PHACTR2: variants seen among roughly 807,000 people sequenced by gnomAD.
PHACTR2 encodes chromosome 6 open reading frame 56.
In PHACTR2, 30 loss-of-function variants were observed where a neutral mutation model predicts 76.0. The observed-to-expected ratio is 0.39, with a 90% confidence interval of 0.30 to 0.54. PHACTR2 has a LOEUF of 0.54. Ranked by LOEUF, PHACTR2 falls within the 20% of genes least tolerant of loss-of-function variation. PHACTR2 has a pLI of 0.61. For synonymous variants in PHACTR2, 292 were observed against 292.5 expected, an observed-to-expected ratio of 1.00 and a Z score of 0.02; for missense variants, 696 against 781.1, an observed-to-expected ratio of 0.89 and a Z score of 1.30.
chr6:143,589,388 T>C lies in PHACTR2; in HGVS notation c.217+52181T>C, dbSNP rs1775663133. On this transcript the variant is annotated intron_variant, in intron 1 of 11. Coordinates refer to the PHACTR2 transcript ENST00000367584. This position sits in a 1 kb window ranked among gnomAD's most constrained non-coding sequence, Gnocchi z 4.4. The stretch of plus-strand genomic sequence containing the variant: ...TGCTCTCTTCCTCCTGCTCCAGCCA[T>C]GTAAGACGTGCCTGCTTCCTCTTTG... Among the ~76,000 whole-genome samples the C allele has an allele frequency of 6.6e-6, 1 of 152,202 alleles. No individual in the cohort carries two copies. Among genetic ancestry groups the C allele is most frequent in the South Asian group, 2.1e-4 (1 of 4,828 alleles).
At position 143,562,713 on chromosome 6, in the gene PHACTR2, C is replaced by G. The variant is rs1331918479; in HGVS notation, c.217+25506C>G. On this transcript the variant is annotated intron_variant, in intron 1 of 11. Transcript: ENST00000367584. The surrounding 1 kb of genome is among the most constrained non-coding windows in gnomAD (Gnocchi z 5.1). ...GAAAAAAGCACATTAAAGAACATAT[C>G]TAAGGCATTGGAAATAGATCATCCA... 1.3e-5 allele frequency among the ~76,000 whole-genome samples: 2 copies of G among 152,178 alleles called. No homozygotes were observed. The highest frequency in any genetic ancestry group is 4.8e-5 in the African/African-American group (2 of 41,436).
chr6:143,817,772 A>G (rs1001039268), intron 12 of PHACTR2, among the ~76,000 whole-genome samples: 1 of 152,228 alleles, frequency 6.6e-6, no homozygotes, highest in Non-Finnish European at 1.5e-5. Context: ...AACACCACAC[A>G]TTCTCACTTA....
In PHACTR2 at chr6:143,740,508, T is replaced by TAAAAA. The variant is rs10638908; in HGVS notation, c.215-8466_215-8462dup. ...AACTATTACAAAACATCCTTTTAAT[T>TAAAAA]AAAAAAAAAAAAAAAGGAAAAAATA... is the stretch of plus-strand genomic sequence containing the variant. On this transcript the variant is annotated intron_variant, in intron 2 of 12. Coordinates refer to ENST00000440869, the MANE Select transcript of PHACTR2 (RefSeq NM_001100164.2). Among the ~76,000 whole-genome samples the TAAAAA allele has an allele frequency of 7.4e-3, 951 of 128,628 alleles. 14 individuals are homozygous for TAAAAA. Among genetic ancestry groups the TAAAAA allele is most frequent in the African/African-American group, 0.025 (853 of 34,106 alleles). The allele number at this position is 128,628 out of a possible 152,430, so 84.4% of individuals were successfully genotyped here.
rs1775038098 is a variant in PHACTR2 at position 143,548,184 on chromosome 6, A to G, written c.217+10977A>G. On this transcript the variant is annotated intron_variant, in intron 1 of 11. Transcript: ENST00000367584. The surrounding 1 kb of genome is among the most constrained non-coding windows in gnomAD (Gnocchi z 4.5). ...GGCCATCTTCTTGCTGTGTCCTCACATGGCAGAGGGAGGAAGAAAGCTCTC... is the reference window on the plus strand; with the variant it reads ...GGCCATCTTCTTGCTGTGTCCTCACGTGGCAGAGGGAGGAAGAAAGCTCTC... 6.6e-6 allele frequency among the ~76,000 whole-genome samples: 1 copy of G among 152,186 alleles called. No individual in the cohort carries two copies. Among genetic ancestry groups the G allele is most frequent in the Admixed American group, 6.5e-5 (1 of 15,274 alleles).
At position 143,617,498 on chromosome 6, in the gene PHACTR2, C is replaced by T. The variant is rs1582703859; in HGVS notation, c.13+9176C>T. Among the ~76,000 whole-genome samples, 1 of 152,264 alleles carries T rather than the reference C, an allele frequency of 6.6e-6. No homozygotes were observed. Among genetic ancestry groups the T allele is most frequent in the African/African-American group, 2.4e-5 (1 of 41,550 alleles). On this transcript the variant is annotated intron_variant, in intron 1 of 11. Coordinates refer to the PHACTR2 transcript ENST00000305766. This position sits in a 1 kb window ranked among gnomAD's most constrained non-coding sequence, Gnocchi z 4.8. ...TGCCCCACCCTAGACAAATTCAGTC[C>T]GGGACTTTGGAGTGGGGTCAGGACA...
In PHACTR2 at chr6:143,656,223, C is replaced by T. The variant is rs1389569991; in HGVS notation, c.13+47901C>T. Among the ~76,000 whole-genome samples, 1 of 152,170 alleles carries T rather than the reference C, an allele frequency of 6.6e-6. No homozygotes were observed. ...GGGGTCAGTCCATTCCTGTCCAGAC[C>T]AGGGACTTCCTCTGACCTTGGCAAC... On this transcript the variant is annotated intron_variant, in intron 1 of 11. Transcript: ENST00000305766. The surrounding 1 kb of genome is among the most constrained non-coding windows in gnomAD (Gnocchi z 5.3).
At position 143,777,324 on chromosome 6, in the gene PHACTR2, A is replaced by G. The variant is rs752611453; in HGVS notation, c.1590-4A>G. On this transcript the variant is annotated splice_region_variant and splice_polypyrimidine_tract_variant and intron_variant, in intron 8 of 12. Coordinates refer to ENST00000440869, the MANE Select transcript of PHACTR2 (RefSeq NM_001100164.2). The surrounding 1 kb of genome is among the most constrained non-coding windows in gnomAD (Gnocchi z 4.6). ...CCTGTAATATATCCTTTTTGTCATC[A>G]TAGGAGGCTGAGCCAGAGGCCCACA... The G allele has an allele frequency of 7.6e-6, 12 of 1,583,202 alleles. No individual in the cohort carries two copies. The highest frequency in any genetic ancestry group is 6.7e-5 in the South Asian group (6 of 89,492).
chr6:143,704,105 G>C (rs1055417071), intron 1 of PHACTR2, among the ~76,000 whole-genome samples: 1 of 151,592 alleles, frequency 6.6e-6, no homozygotes, highest in Non-Finnish European at 1.5e-5. Context: ...CTGTGTGTGT[G>C]TGTGTGTGTG....
Position 143,711,110 on chromosome 6 carries a change from G to A in PHACTR2, c.47-906G>A, listed in dbSNP as rs185431017. The A allele has an allele frequency of 2.5e-3, 1,242 of 506,770 alleles. 8 individuals are homozygous for A. The highest frequency in any genetic ancestry group is 0.014 in the African/African-American group (714 of 51,436). The allele number at this position is 506,770 out of a possible 1,614,324, so 31.4% of individuals were successfully genotyped here. ...ATGAGTTTTGGGTAATCCAACCATC[G>A]TTGAGATAATTTCCATCACCGCTAT... is the stretch of plus-strand genomic sequence containing the variant. On this transcript the variant is annotated intron_variant, in intron 1 of 12. Transcript: ENST00000440869.
At chr6:143,699,911 AT>A (rs1181681121) in intron 1 of PHACTR2, among the ~76,000 whole-genome samples, 1 of 152,150 alleles carries the variant, frequency 6.6e-6, no homozygotes, top group East Asian at 1.9e-4. Context: ...ATTGACATAA[AT>A]TCTTCTCCAT....
chr6:143,829,910 T>C lies in PHACTR2; in HGVS notation c.*6221T>C, dbSNP rs1181112270. The C allele has an allele frequency of 6.6e-6, 1 of 152,210 alleles. No individual in the cohort carries two copies. The highest frequency in any genetic ancestry group is 1.5e-5 in the Non-Finnish European group (1 of 68,040). The allele number at this position is 152,210 out of a possible 1,614,324, so 9.4% of individuals were successfully genotyped here. ...ATTGTAAGGAGCAAATAAGGCAGAA[T>C]GCCACTCTACCCTCAGGTCAATTTT... On this transcript the variant is annotated 3_prime_UTR_variant, in exon 13 of 13. Transcript: ENST00000440869.
Position 143,571,723 on chromosome 6 carries a change from C to T in PHACTR2, c.217+34516C>T, listed in dbSNP as rs1258943863. Among the ~76,000 whole-genome samples the T allele has an allele frequency of 6.6e-6, 1 of 152,020 alleles. No homozygotes were observed. Among genetic ancestry groups the T allele is most frequent in the Non-Finnish European group, 1.5e-5 (1 of 68,024 alleles). On this transcript the variant is annotated intron_variant, in intron 1 of 11. Coordinates refer to the PHACTR2 transcript ENST00000367584. The surrounding 1 kb of genome is among the most constrained non-coding windows in gnomAD (Gnocchi z 4.6). Reference sequence around the variant, plus strand: ...CTCCTGTGTCCATTTGCCATGCTCCCATCATTAAAAAAATCATTTCCTTAC... The same window carrying T: ...CTCCTGTGTCCATTTGCCATGCTCCTATCATTAAAAAAATCATTTCCTTAC...
chr6:143,705,730 G>C (rs1366067071), intron 1 of PHACTR2, among the ~76,000 whole-genome samples: 1 of 152,178 alleles, frequency 6.6e-6, no homozygotes, highest in East Asian at 1.9e-4. Flanking sequence ...ATCATATCAA[G>C]AGTACATACT....
At chr6:143,790,409 G>A (rs1190558422) in intron 11 of PHACTR2, among the ~76,000 whole-genome samples, 1 of 152,182 alleles carries the variant, frequency 6.6e-6, no homozygotes, top group East Asian at 1.9e-4. Context: ...GTACTTATGT[G>A]AAAGAGGCAA....
At position 143,656,025 on chromosome 6, in the gene PHACTR2, T is replaced by G. The variant is rs565785744; in HGVS notation, c.13+47703T>G. Among the ~76,000 whole-genome samples, 1 of 152,240 alleles carries G rather than the reference T, an allele frequency of 6.6e-6. No homozygotes were observed. The highest frequency in any genetic ancestry group is 1.5e-5 in the Non-Finnish European group (1 of 68,046). On this transcript the variant is annotated intron_variant, in intron 1 of 11. Transcript: ENST00000305766. This position sits in a 1 kb window ranked among gnomAD's most constrained non-coding sequence, Gnocchi z 5.3. ...TTCTTTATTCCATGAACTAAGTTTC[T>G]TATCCTAAGGTGATTACCGGGGGAA...
chr6:143,773,571 T>C (rs543622708), intron 7 of PHACTR2, among the ~76,000 whole-genome samples: 1 of 152,122 alleles, frequency 6.6e-6, no homozygotes, highest in East Asian at 1.9e-4. Context: ...TGGTGTTACT[T>C]ATCATTTGTT....
At chr6:143,666,184 A>G (rs1226994062) in intron 1 of PHACTR2, among the ~76,000 whole-genome samples, 4 of 152,190 alleles carry the variant, frequency 2.6e-5, no homozygotes, top group Admixed American at 2.0e-4. Flanking sequence ...AGCTTCATCC[A>G]TGTCCCTGGA....
chr6:143,693,611 G>A (rs1777700530), intron 1 of PHACTR2, among the ~76,000 whole-genome samples: 1 of 152,108 alleles, frequency 6.6e-6, no homozygotes, highest in Non-Finnish European at 1.5e-5. Flanking sequence ...GTACAAACCA[G>A]GACTTATTAG....
chr6:143,588,039 A>AAAATAAAATAAAATAAAATAAAAT (rs1775648571), intron 1 of PHACTR2, among the ~76,000 whole-genome samples: 1 of 151,714 alleles, frequency 6.6e-6, no homozygotes, highest in African/African-American at 2.4e-5. Context: ...AAAATAAAAT[A>AAAATAAAATAAAATAAAATAAAAT]AAATAAAATA....
Sources: allele counts gnomAD v4.1 joint callset (sites outside exome capture counted in the v4.1 genomes callset), GRCh38; gene constraint gnomAD v4.1.1; non-coding constraint Gnocchi (gnomAD v3.1); transcripts MANE v1.5; gene names NCBI Gene and HGNC (gene_info 2026-07-23, HGNC 2026-07-21).